SDHC: variants seen among roughly 807,000 people sequenced by gnomAD.
The protein encoded by SDHC is succinate dehydrogenase complex subunit C.
A neutral mutation model predicts 22.6 loss-of-function variants in SDHC; 11 were observed. The observed-to-expected ratio is 0.49, with a 90% confidence interval of 0.31 to 0.81. The LOEUF (loss-of-function observed/expected upper bound fraction) is 0.81. Among genes scored for constraint, SDHC ranks in the 30% least tolerant of loss-of-function variants. SDHC has a pLI of 0.05. For synonymous variants in SDHC, 80 were observed against 77.8 expected (o/e 1.03, Z -0.15); for missense variants, 160 against 212.0 (o/e 0.75, Z 1.52).
rs907656729 is a variant in SDHC at position 161,314,589 on chromosome 1, C to A, written c.20+164C>A. 7.7e-6 allele frequency: 6 copies of A among 783,612 alleles called. No individual in the cohort carries two copies. The African/African-American group carries it at 1.0e-4, about 14-fold the overall frequency. 48.5% of individuals were successfully genotyped at this position (783,612 alleles called of 1,614,324 possible). On this transcript the variant is annotated intron_variant, in intron 1 of 5. Transcript: ENST00000367975. Reference sequence around the variant, plus strand: ...ATCCTAGAGACCCCTTTTCCCGTCCCCCCCAGCCGCTCCGGTGCGCTCCGT... The same window carrying A: ...ATCCTAGAGACCCCTTTTCCCGTCCACCCCAGCCGCTCCGGTGCGCTCCGT...
At chr1:161,347,091 T>C (rs1424932613) in intron 4 of SDHC, among the ~76,000 whole-genome samples, 3 of 151,918 alleles carry the variant, frequency 2.0e-5, no homozygotes, top group African/African-American at 7.3e-5. Flanking sequence ...GGACACAGAG[T>C]TGACAGCACT....
At chr1:161,319,881 A>G (rs1670779156) in intron 1 of SDHC, among the ~76,000 whole-genome samples, 1 of 152,132 alleles carries the variant, frequency 6.6e-6, no homozygotes, top group South Asian at 2.1e-4. Flanking sequence ...AGTGTGGCAG[A>G]ATTACAGTGG....
chr1:161,360,033 T>G (rs200843971), intron 5 of SDHC, among the ~76,000 whole-genome samples: 17,618 of 151,680 alleles, frequency 0.12, 1,394 homozygotes, highest in African/African-American at 0.21. Context: ...TCTTGATTTT[T>G]TTTTTTTTTT....
intron 3 of SDHC, among the ~76,000 whole-genome samples, chr1:161,333,772 C>T (rs990306396): frequency 1.3e-5 from 2 of 152,228 alleles, no homozygotes; most frequent in Admixed American, 1.3e-4. Context: ...TTCACACTAG[C>T]AGTGTATAAG....
At chr1:161,339,453 G>T in intron 3 of SDHC, 1 of 501,124 alleles carries the variant, frequency 2.0e-6, no homozygotes, top group Non-Finnish European at 3.2e-6. Flanking sequence ...AAAGTACTAG[G>T]ATTACAGGTG....
intron 4 of SDHC, among the ~76,000 whole-genome samples, chr1:161,344,167 G>C (rs1671815858): frequency 6.6e-6 from 1 of 152,190 alleles, no homozygotes; most frequent in Non-Finnish European, 1.5e-5. Flanking sequence ...GCGGGCACCT[G>C]TAGTCCCAGC....
intron 3 of SDHC, among the ~76,000 whole-genome samples, chr1:161,329,536 T>C (rs1441592106): frequency 6.6e-6 from 1 of 151,784 alleles, no homozygotes; most frequent in Non-Finnish European, 1.5e-5. Context: ...TTTGCCATGT[T>C]GTCCAGGCTG....
chr1:161,343,966 C>G (rs1335385410), intron 4 of SDHC, among the ~76,000 whole-genome samples: 2 of 152,032 alleles, frequency 1.3e-5, no homozygotes, highest in Non-Finnish European at 2.9e-5. Flanking sequence ...AATCCCAGCA[C>G]TTTGGGAGGC....
intron 4 of SDHC, among the ~76,000 whole-genome samples, chr1:161,353,245 T>G (rs1292641970): frequency 6.6e-6 from 1 of 152,090 alleles, no homozygotes; most frequent in Non-Finnish European, 1.5e-5. Flanking sequence ...GGTTTTCTGT[T>G]GGTTAATATT....
intron 1 of SDHC, among the ~76,000 whole-genome samples, chr1:161,318,807 G>C (rs1332210736): frequency 1.3e-5 from 2 of 149,786 alleles, no homozygotes; most frequent in Admixed American, 6.7e-5. Flanking sequence ...GCCGAGGCGG[G>C]AGGATCACCT....
intron 4 of SDHC, among the ~76,000 whole-genome samples, chr1:161,345,441 A>T (rs1406658702): frequency 6.6e-6 from 1 of 152,162 alleles, no homozygotes; most frequent in East Asian, 1.9e-4. Context: ...CTTTTATTAC[A>T]CAAGTTGTAA....
At chr1:161,329,439 C>G (rs1671192199) in intron 3 of SDHC, among the ~76,000 whole-genome samples, 1 of 152,138 alleles carries the variant, frequency 6.6e-6, no homozygotes, top group South Asian at 2.1e-4. Flanking sequence ...TCAAGTGATT[C>G]TTGTGCCTCA....
At chr1:161,348,549 G>A (rs556006453) in intron 4 of SDHC, among the ~76,000 whole-genome samples, 3 of 150,976 alleles carry the variant, frequency 2.0e-5, no homozygotes, top group East Asian at 2.0e-4. Context: ...GGCTGGGTGC[G>A]GTAGCTCATG....
chr1:161,353,205 TTATCCTAGGATAACACC>T (rs1672152347), intron 4 of SDHC, among the ~76,000 whole-genome samples: 2 of 152,136 alleles, frequency 1.3e-5, no homozygotes, highest in Admixed American at 1.3e-4. Context: ...GTAGGTGGTG[TTATCCTAGGATAACACC>T]ATATCAGGGT....
chr1:161,332,464 C>G (rs1671313006), intron 3 of SDHC, among the ~76,000 whole-genome samples: 1 of 152,106 alleles, frequency 6.6e-6, no homozygotes, highest in Non-Finnish European at 1.5e-5. Flanking sequence ...ATAACATGTT[C>G]CTAATTTCCT....
intron 5 of SDHC, among the ~76,000 whole-genome samples, chr1:161,359,008 G>A (rs1026857679): frequency 3.4e-4 from 51 of 151,292 alleles, no homozygotes; most frequent in Non-Finnish European, 8.8e-5. Flanking sequence ...GGGAGGCTGA[G>A]GCAGGAGAAT....
At chr1:161,334,975 C>CT (rs1671416736) in intron 3 of SDHC, among the ~76,000 whole-genome samples, 1 of 152,192 alleles carries the variant, frequency 6.6e-6, no homozygotes. Flanking sequence ...AATTTTGCCA[C>CT]TTGTCCCATT....
rs1444639600 is a variant in SDHC at position 161,339,387 on chromosome 1, C to T, written c.180-1207C>T. Among the ~76,000 whole-genome samples, 8 of 148,904 alleles carry T rather than the reference C, an allele frequency of 5.4e-5. No homozygotes were observed. The East Asian group carries it at 1.2e-3, about 22-fold the overall frequency. On this transcript the variant is annotated intron_variant, in intron 3 of 5. Transcript: ENST00000367975. ...TTTTCGTAAAGATGGGGTCTCATTA[C>T]GTTGCCTAGGTTGACCTTGAACTCC...
chr1:161,323,657 C>T lies in SDHC; in HGVS notation c.64C>T (p.Leu22Phe), dbSNP rs1473438869. The T allele has an allele frequency of 1.9e-6, 3 of 1,611,590 alleles. No individual in the cohort carries two copies. The highest frequency in any genetic ancestry group is 2.5e-6 in the Non-Finnish European group (3 of 1,178,174). ...HCLRAHFSPQ[L>F]CIRNAVPLGT... ...CCTCCGAGCCCACTTTAGCCCTCAG[C>T]TCTGTATCAGAAAGTAAGTTTCTAA... The change falls in exon 2 of 6, where the codon CTC becomes TTC. Residue 22 changes from leucine to phenylalanine, a missense_variant. Leu to Phe is a conservative substitution (Grantham distance 22). Around this residue, in one of 2 missense-constraint regions of SDHC, gnomAD observed 86 missense variants for 83.4 expected, o/e 1.03. Coordinates refer to ENST00000367975, the MANE Select transcript of SDHC (RefSeq NM_003001.5).
Sources: allele counts gnomAD v4.1 joint callset (sites outside exome capture counted in the v4.1 genomes callset), GRCh38; gene constraint gnomAD v4.1.1; regional missense constraint gnomAD v4.1.1; transcripts MANE v1.5; gene names NCBI Gene and HGNC (gene_info 2026-07-23, HGNC 2026-07-21).